The following COMT variants were observed in gnomAD, a reference collection of about 807,000 sequenced individuals.
COMT encodes the protein catechol-O-methyltransferase.
In COMT, 13 loss-of-function variants were observed where a neutral mutation model predicts 18.9. That is an observed-to-expected ratio of 0.69 (90% CI 0.45 to 1.09). COMT has a LOEUF of 1.09. Ranked by LOEUF, COMT falls within the 50% of genes least tolerant of loss-of-function variation. The pLI, the probability that COMT is intolerant of heterozygous loss-of-function variation, is 0.00. For missense variants in COMT, 329 were observed against 361.8 expected (o/e 0.91, Z 0.73); for synonymous variants, 150 against 160.9 (o/e 0.93, Z 0.51).
At chr22:19,962,388 C>T (rs1385725280) in intron 2 of COMT, 139 bp from the exon 3 acceptor site, 2 of 1,451,874 alleles carry the variant, frequency 1.4e-6, no homozygotes, top group African/African-American at 2.8e-5. Context: ...CGTCAGGCAA[C>T]TGAGGCACAA....
chr22:19,947,056 C>T (rs1414657641), intron 1 of COMT, among the ~76,000 whole-genome samples: 6 of 151,876 alleles, frequency 4.0e-5, no homozygotes, highest in South Asian at 2.1e-4. Flanking sequence ...GCTGGGATTA[C>T]AGGTGTGCAC....
intron 5 of COMT, among the ~76,000 whole-genome samples, chr22:19,966,787 CA>C (rs1342763405): frequency 6.6e-6 from 1 of 152,182 alleles, no homozygotes; most frequent in Non-Finnish European, 1.5e-5. Flanking sequence ...CTCTGTCGCC[CA>C]GGCTGGAGTG....
intron 1 of COMT, among the ~76,000 whole-genome samples, chr22:19,954,421 C>A (rs1439151720): frequency 6.6e-6 from 1 of 152,156 alleles, no homozygotes; most frequent in African/African-American, 2.4e-5. Flanking sequence ...ATGAGAGCAG[C>A]CACGGACAAT....
intron 1 of COMT, among the ~76,000 whole-genome samples, chr22:19,946,095 T>C (rs887593848): frequency 2.6e-5 from 4 of 152,190 alleles, no homozygotes; most frequent in African/African-American, 9.7e-5. Context: ...TACTGAATTC[T>C]TGTTCTGCTT....
Position 19,962,429 on chromosome 22 carries a change from A to G in COMT, c.1-98A>G, listed in dbSNP as rs6269. On this transcript the variant is annotated intron_variant, in intron 2 of 5. Coordinates refer to ENST00000361682, the MANE Select transcript of COMT (RefSeq NM_000754.4). ...GCATTTCTGAACCTTGCCCCTCTGC[A>G]AACACAAGGGGGCGATGGTGGCACT... 594,184 of 1,521,518 alleles carry G rather than the reference A, an allele frequency of 0.39. 117,448 individuals carry two copies. Among genetic ancestry groups the G allele is most frequent in the Middle Eastern group, 0.43 (1,866 of 4,298 alleles). The allele number at this position is 1,521,518 out of a possible 1,614,324, so 94.3% of individuals were successfully genotyped here.
chr22:19,959,214 C>A (rs1042503008), intron 1 of COMT, among the ~76,000 whole-genome samples: 1 of 152,232 alleles, frequency 6.6e-6, no homozygotes, highest in African/African-American at 2.4e-5. Context: ...ATCCGAGCAG[C>A]TTTGAGTAGC....
intron 2 of COMT, 80 bp from the exon 3 acceptor site, chr22:19,962,447 G>A: frequency 6.5e-7 from 1 of 1,541,456 alleles, no homozygotes; most frequent in Non-Finnish European, 8.7e-7. Flanking sequence ...GGGGGCGATG[G>A]TGGCACTCCA....
At chr22:19,948,118 T>C (rs886073188) in intron 1 of COMT, among the ~76,000 whole-genome samples, 2 of 152,256 alleles carry the variant, frequency 1.3e-5, no homozygotes, top group African/African-American at 4.8e-5. Context: ...ACAATATTCA[T>C]ATATAATCAT....
At chr22:19,963,509 C>T in intron 3 of COMT, 57 bp from the exon 4 acceptor site, 2 of 1,591,780 alleles carry the variant, frequency 1.3e-6, no homozygotes, top group Admixed American at 3.4e-5. Context: ...GCCTGGGGAT[C>T]CAAGTTCCCC....
In COMT at chr22:19,969,386, C is replaced by G. The variant is rs898275789; in HGVS notation, c.*650C>G. 2.6e-5 allele frequency: 4 copies of G among 152,858 alleles called. No individual in the cohort carries two copies. The highest frequency in any genetic ancestry group is 7.2e-5 in the African/African-American group (3 of 41,430). 9.5% of individuals were successfully genotyped at this position (152,858 alleles called of 1,614,324 possible). On this transcript the variant is annotated 3_prime_UTR_variant, in exon 6 of 6. Coordinates refer to ENST00000361682, the MANE Select transcript of COMT (RefSeq NM_000754.4). ...ATGTGGCACAGAGTGGAAGCATCTC[C>G]TTCCCTACTCCCCACTGGGCCTTGC...
Position 19,962,627 on chromosome 22 carries a change from G to A in COMT, c.101G>A (p.Cys34Tyr). The A allele has an allele frequency of 6.2e-7, 1 of 1,606,374 alleles. No homozygotes were observed. Among genetic ancestry groups the A allele is most frequent in the Admixed American group, 1.7e-5 (1 of 59,078 alleles). Residue 34 changes from cysteine (C) to tyrosine (Y), a missense_variant, in exon 3 of 6, where the codon TGC (cysteine) becomes TAC (tyrosine). Coordinates refer to ENST00000361682, the MANE Select transcript of COMT (RefSeq NM_000754.4). The stretch of plus-strand genomic sequence containing the variant: ...CTGAGGCACTGGGGCTGGGGCCTGT[G>A]CCTTATCGGCTGGAACGAGTTCATC... ...LLLRHWGWGL[C>Y]LIGWNEFILQ... is the part of the protein sequence containing the mutation.
chr22:19,945,271 T>G (rs967757983), intron 1 of COMT, among the ~76,000 whole-genome samples: 9 of 152,180 alleles, frequency 5.9e-5, no homozygotes, highest in Non-Finnish European at 8.8e-5. Context: ...GAAGTGACTT[T>G]CCTTACTCAC....
At position 19,962,767 on chromosome 22, in the gene COMT, A is replaced by G; in HGVS notation, c.241A>G (p.Thr81Ala). ...ACAGAGCGTGCTGGAGGCCATTGACACCTACTGCGAGCAGAAGGAGTGGGC... is the reference window on the plus strand; with the variant it reads ...ACAGAGCGTGCTGGAGGCCATTGACGCCTACTGCGAGCAGAAGGAGTGGGC... ...NAQSVLEAID[T>A]YCEQKEWAMN... The change falls in exon 3 of 6, where the codon ACC becomes GCC. Residue 81 changes from threonine to alanine, a missense_variant. Transcript: ENST00000361682. 6.2e-7 allele frequency: 1 copy of G among 1,611,154 alleles called. No homozygotes were observed. The highest frequency in any genetic ancestry group is 1.7e-4 in the Middle Eastern group (1 of 6,054).
intron 2 of COMT, 89 bp from the exon 3 acceptor site, chr22:19,962,438 G>C: frequency 1.3e-6 from 2 of 1,534,292 alleles, no homozygotes; most frequent in South Asian, 2.4e-5. Context: ...CAAACACAAG[G>C]GGGCGATGGT....
At chr22:19,944,259 G>C (rs867635554) in intron 1 of COMT, among the ~76,000 whole-genome samples, 2 of 152,188 alleles carry the variant, frequency 1.3e-5, no homozygotes, top group African/African-American at 4.8e-5. Flanking sequence ...AAAACCTCAA[G>C]GATAGGCCGG....
At chr22:19,967,083 G>A (rs2146188690) in intron 5 of COMT, 5 of 1,237,840 alleles carry the variant, frequency 4.0e-6, no homozygotes, top group South Asian at 1.4e-5. Flanking sequence ...TTTCGTAAAG[G>A]AGTGGGCCCC....
Position 19,964,317 on chromosome 22 carries a change from T to A in COMT, c.615+18T>A, listed in dbSNP as rs1942284134. On this transcript the variant is annotated intron_variant, in intron 5 of 5. Transcript: ENST00000361682. Reference sequence around the variant, plus strand: ...TCTTGGAGGTGAGCCCCAACCAGGATGGCATCCGTGCCAGCTGCTGCCCAG... The same window carrying A: ...TCTTGGAGGTGAGCCCCAACCAGGAAGGCATCCGTGCCAGCTGCTGCCCAG... The A allele has an allele frequency of 1.2e-6, 2 of 1,613,726 alleles. No individual in the cohort carries two copies. The highest frequency in any genetic ancestry group is 1.3e-5 in the African/African-American group (1 of 75,052).
intron 3 of COMT, 149 bp from the exon 4 acceptor site, chr22:19,963,417 G>A (rs531738788): frequency 2.0e-5 from 17 of 861,568 alleles, no homozygotes; most frequent in South Asian, 9.5e-5. Flanking sequence ...CCCCTCCAGC[G>A]GGTAGGGAGG....
intron 2 of COMT, chr22:19,962,261 C>T (rs1196129498): frequency 5.3e-6 from 3 of 565,566 alleles, no homozygotes; most frequent in Non-Finnish European, 9.5e-6. Context: ...GGGGAAGCAC[C>T]CAGGGCCAGG....
Sources: allele counts gnomAD v4.1 joint callset (sites outside exome capture counted in the v4.1 genomes callset), GRCh38; gene constraint gnomAD v4.1.1; transcripts MANE v1.5; gene names NCBI Gene and HGNC (gene_info 2026-07-23, HGNC 2026-07-21).